UNC13B: variants seen among roughly 807,000 people sequenced by gnomAD.
The protein encoded by UNC13B is unc-13 homolog B.
A neutral mutation model predicts 211.0 loss-of-function variants in UNC13B; 144 were observed. The observed-to-expected ratio is 0.68, with a 90% CI of 0.60 to 0.78. The LOEUF (loss-of-function observed/expected upper bound fraction) is 0.78. Among genes scored for constraint, UNC13B ranks in the 30% least tolerant of loss-of-function variants. UNC13B has a pLI of 0.00. For synonymous variants in UNC13B, 709 were observed against 725.8 expected (o/e 0.98, Z 0.37); for missense variants, 1,777 against 2,002.0 (o/e 0.89, Z 2.14).
At chr9:35,178,175 C>G (rs1258109091) in intron 1 of UNC13B, among the ~76,000 whole-genome samples, 1 of 152,120 alleles carries the variant, frequency 6.6e-6, no homozygotes, top group Non-Finnish European at 1.5e-5. Flanking sequence ...CTATAAGATG[C>G]CATAGATTGT....
rs1390400984 is a variant in UNC13B, at chr9:35,268,950, T to G, written c.526+9900T>G. 2.0e-5 allele frequency among the ~76,000 whole-genome samples: 3 copies of G among 152,198 alleles called. 1 individual carries two copies. The highest frequency in any genetic ancestry group is 4.4e-5 in the Non-Finnish European group (3 of 68,024). On this transcript the variant is annotated intron_variant, in intron 7 of 39. Transcript: ENST00000635942. Reference sequence around the variant, plus strand: ...TGATTTTCTAATTCTGTCATTCTTTTTTAAAAGGAAAAAATGGTTTCTCTA... The same window carrying G: ...TGATTTTCTAATTCTGTCATTCTTTGTTAAAAGGAAAAAATGGTTTCTCTA...
rs1198342855 is a variant in UNC13B, at chr9:35,304,010, G to C, written c.4606G>C (p.Asp1536His). The change falls in exon 9 of 40, where the codon GAT (aspartate) becomes CAT (histidine). Residue 1536 changes from aspartate (D) to histidine (H), a missense_variant. By Grantham distance (81) the Asp-to-His change is moderately conservative. Coordinates refer to ENST00000635942, the MANE Select transcript of UNC13B (RefSeq NM_001371189.2). The part of the protein sequence containing the change: ...DGDYGYYMFH[D>H]GQYIYSLLTD... ...GGATTATGGATATTATATGTTTCAT[G>C]ATGGTCAATATATCTATTCTCTTCT... 1 of 398,642 alleles carries C rather than the reference G, an allele frequency of 2.5e-6. No homozygotes were observed. The highest frequency in any genetic ancestry group is 4.4e-6 in the Non-Finnish European group (1 of 225,890). The allele number at this position is 398,642 out of a possible 1,614,324, so 24.7% of individuals were successfully genotyped here.
intron 19 of UNC13B, 87 bp downstream of exon 19, chr9:35,381,302 T>A (rs1834819256): frequency 8.2e-7 from 1 of 1,213,350 alleles, no homozygotes; most frequent in East Asian, 2.5e-5. Flanking sequence ...GTGGTTGGAA[T>A]CCGAGGCCCA....
At chr9:35,309,886 A>C (rs1830102436) in intron 9 of UNC13B, among the ~76,000 whole-genome samples, 1 of 152,186 alleles carries the variant, frequency 6.6e-6, no homozygotes, top group Admixed American at 6.5e-5. Flanking sequence ...CCTGGCCTCT[A>C]TCTTCCAATG....
chr9:35,214,722 C>T (rs1468822952), intron 1 of UNC13B, among the ~76,000 whole-genome samples: 1 of 151,912 alleles, frequency 6.6e-6, no homozygotes, highest in Non-Finnish European at 1.5e-5. Flanking sequence ...GGCTGGACTT[C>T]ATGAAGTTAA....
intron 11 of UNC13B, among the ~76,000 whole-genome samples, chr9:35,315,963 A>G (rs1246460529): frequency 2.6e-5 from 4 of 152,210 alleles, no homozygotes; most frequent in Admixed American, 1.3e-4. Flanking sequence ...TGATGTCAAC[A>G]TGTCCTACCA....
intron 1 of UNC13B, among the ~76,000 whole-genome samples, chr9:35,166,856 C>T (rs1181981577): frequency 4.6e-5 from 7 of 152,122 alleles, no homozygotes; most frequent in African/African-American, 1.7e-4. Flanking sequence ...ATAGGTTCTG[C>T]AGTTGAATGT....
At chr9:35,285,601 C>CTGT (rs1828746446) in intron 7 of UNC13B, among the ~76,000 whole-genome samples, 1 of 152,110 alleles carries the variant, frequency 6.6e-6, no homozygotes, top group African/African-American at 2.4e-5. Flanking sequence ...CCTGTAGTCC[C>CTGT]AGCTTCTCAG....
chr9:35,292,289 G>C (rs938449474), intron 7 of UNC13B, among the ~76,000 whole-genome samples: 35 of 152,222 alleles, frequency 2.3e-4, no homozygotes, highest in African/African-American at 8.2e-4. Context: ...GCCCATCTTT[G>C]TTTGCCCCAG....
At chr9:35,386,321 A>G (rs1835188428) in intron 24 of UNC13B, 28 bp downstream of exon 24, 2 of 1,612,948 alleles carry the variant, frequency 1.2e-6, no homozygotes, top group Admixed American at 1.7e-5. Flanking sequence ...AGGTGGGGCC[A>G]GCTGTCAGTG....
intron 6 of UNC13B, among the ~76,000 whole-genome samples, chr9:35,244,049 A>C (rs1825950978): frequency 6.6e-6 from 1 of 152,124 alleles, no homozygotes; most frequent in Admixed American, 6.6e-5. Flanking sequence ...TCATTAATAT[A>C]TTAGTAACAA....
At chr9:35,356,902 A>G (rs575687002) in intron 11 of UNC13B, among the ~76,000 whole-genome samples, 23 of 152,206 alleles carry the variant, frequency 1.5e-4, no homozygotes, top group Non-Finnish European at 2.5e-4. Context: ...GTTTTTAAGG[A>G]TGCTGTAGCA....
At chr9:35,246,259 C>T (rs1826095369) in intron 6 of UNC13B, among the ~76,000 whole-genome samples, 1 of 151,748 alleles carries the variant, frequency 6.6e-6, no homozygotes, top group Non-Finnish European at 1.5e-5. Context: ...AGCCCTTTGT[C>T]AGAGGAGTAG....
chr9:35,163,850 A>C (rs1820898326), intron 1 of UNC13B, among the ~76,000 whole-genome samples: 1 of 152,012 alleles, frequency 6.6e-6, no homozygotes, highest in Non-Finnish European at 1.5e-5. Flanking sequence ...TTCTTTTTTG[A>C]ATCTGGAGAA....
intron 1 of UNC13B, among the ~76,000 whole-genome samples, chr9:35,194,003 CAG>C (rs1388981769): frequency 1.3e-5 from 2 of 151,818 alleles, no homozygotes; most frequent in Admixed American, 6.6e-5. Context: ...AGTCCTAGGT[CAG>C]AGAGAGACCT....
chr9:35,267,204 A>G (rs1487768981), intron 7 of UNC13B, among the ~76,000 whole-genome samples: 2 of 152,230 alleles, frequency 1.3e-5, no homozygotes, highest in African/African-American at 2.4e-5. Context: ...GGACCATCAC[A>G]AAGAGATTCC....
chr9:35,213,127 C>T (rs1023971599), intron 1 of UNC13B, among the ~76,000 whole-genome samples: 1 of 152,248 alleles, frequency 6.6e-6, no homozygotes, highest in African/African-American at 2.4e-5. Flanking sequence ...ATTCACTTCT[C>T]TTCATAAGGT....
At chr9:35,367,101 G>A (rs1010731646) in intron 12 of UNC13B, 108 bp downstream of exon 12, 18 of 1,116,312 alleles carry the variant, frequency 1.6e-5, no homozygotes, top group African/African-American at 3.1e-5. Context: ...TGCATCCTGG[G>A]GAAGGAAAAG....
intron 8 of UNC13B, among the ~76,000 whole-genome samples, chr9:35,299,326 A>G (rs901186498): frequency 2.0e-5 from 3 of 152,040 alleles, no homozygotes; most frequent in African/African-American, 7.2e-5. Context: ...TTTTATATGT[A>G]TTTTTTTCTT....
Sources: allele counts gnomAD v4.1 joint callset (sites outside exome capture counted in the v4.1 genomes callset), GRCh38; gene constraint gnomAD v4.1.1; transcripts MANE v1.5; gene names NCBI Gene and HGNC (gene_info 2026-07-23, HGNC 2026-07-21).